The following RCC1L variants were observed in gnomAD, a reference collection of about 807,000 sequenced individuals.
RCC1L encodes RCC1-like G exchanging factor-like protein.
In RCC1L, 46 loss-of-function variants were observed where a neutral mutation model predicts 58.6. The ratio of observed to expected loss-of-function variants is 0.79; its 90% CI spans 0.62 to 1.00. The LOEUF (loss-of-function observed/expected upper bound fraction) is 1.00. Ranked by LOEUF, RCC1L falls within the 50% of genes least tolerant of loss-of-function variation. The probability of loss-of-function intolerance (pLI) is 0.00; values close to 1 mark genes in which losing one functional copy is unlikely to be tolerated. For synonymous variants in RCC1L, 281 were observed against 262.9 expected, an observed-to-expected ratio of 1.07 and a Z score of -0.67; for missense variants, 636 against 623.6, an observed-to-expected ratio of 1.02 and a Z score of -0.21.
At chr7:75,073,379 A>C in intron 1 of RCC1L, 35 bp downstream of exon 1, 1 of 942,230 alleles carries the variant, frequency 1.1e-6, no homozygotes, top group South Asian at 2.4e-5. Context: ...CGCGGAAGAG[A>C]GAGAAGGAGA....
intron 9 of RCC1L, among the ~76,000 whole-genome samples, chr7:75,054,697 G>A (rs909638837): frequency 1.3e-5 from 2 of 152,150 alleles, no homozygotes; most frequent in South Asian, 2.1e-4. Flanking sequence ...CAGGAGAATC[G>A]TTTGAACTCG....
chr7:75,054,620 T>C (rs1217498167), intron 9 of RCC1L, among the ~76,000 whole-genome samples: 1 of 152,152 alleles, frequency 6.6e-6, no homozygotes, highest in Non-Finnish European at 1.5e-5. Context: ...CTTTAAGAAT[T>C]CATGACACTG....
At chr7:75,056,811 C>A in intron 8 of RCC1L, 1 of 1,277,662 alleles carries the variant, frequency 7.8e-7, no homozygotes, top group Non-Finnish European at 1.1e-6. Flanking sequence ...TGCCATCTTC[C>A]CATGGCCATA....
chr7:75,029,317 A>G (rs902639113), intron 10 of RCC1L, among the ~76,000 whole-genome samples: 7 of 146,606 alleles, frequency 4.8e-5, no homozygotes, highest in Non-Finnish European at 1.0e-4. Context: ...CAGCTAAGAG[A>G]GGGGGCTTTA....
chr7:75,070,927 G>A (rs1554445995), intron 1 of RCC1L, among the ~76,000 whole-genome samples, 158 bp from the exon 2 acceptor site: 3 of 152,100 alleles, frequency 2.0e-5, no homozygotes, highest in South Asian at 2.1e-4. Flanking sequence ...AGGCTGGAGT[G>A]CAGTGGCGCA....
At chr7:75,060,683 G>A (rs983791144) in intron 6 of RCC1L, among the ~76,000 whole-genome samples, 2 of 152,002 alleles carry the variant, frequency 1.3e-5, no homozygotes, top group Admixed American at 6.6e-5. Context: ...CGCCCACCTC[G>A]GCCTCCCAAA....
intron 5 of RCC1L, 92 bp downstream of exon 5, chr7:75,063,200 C>T (rs1308023567): frequency 3.0e-6 from 4 of 1,314,562 alleles, no homozygotes; most frequent in Non-Finnish European, 4.4e-6. Context: ...CAGAAAATCC[C>T]CCTAACAAAT....
intron 10 of RCC1L, among the ~76,000 whole-genome samples, chr7:75,052,330 T>C (rs1805937943): frequency 6.6e-6 from 1 of 152,194 alleles, no homozygotes; most frequent in African/African-American, 2.4e-5. Context: ...CTTTGCACCA[T>C]CGTGCCTCTG....
At chr7:75,051,226 T>C (rs1483359391) in intron 10 of RCC1L, among the ~76,000 whole-genome samples, 2 of 147,772 alleles carry the variant, frequency 1.4e-5, no homozygotes, top group African/African-American at 4.9e-5. Context: ...AATATAAATG[T>C]ATTATATATG....
intron 10 of RCC1L, among the ~76,000 whole-genome samples, chr7:75,031,456 T>C (rs1396705764): frequency 1.3e-5 from 2 of 151,960 alleles, no homozygotes; most frequent in East Asian, 3.9e-4. Flanking sequence ...GAAAAAAAAT[T>C]ACCTAATGTT....
At chr7:75,064,927 C>T in intron 3 of RCC1L, among the ~76,000 whole-genome samples, 1 of 152,118 alleles carries the variant, frequency 6.6e-6, no homozygotes, top group East Asian at 1.9e-4. Context: ...CACCAGGCTG[C>T]CCTTAACACC....
intron 1 of RCC1L, among the ~76,000 whole-genome samples, chr7:75,070,976 C>T (rs1243185583): frequency 6.6e-6 from 1 of 152,072 alleles, no homozygotes; most frequent in East Asian, 1.9e-4. Context: ...CAGGTTCAAG[C>T]CTCCCAAGTA....
In RCC1L at chr7:75,057,621, A is replaced by C. The variant is rs2131994556; in HGVS notation, c.970-5T>G. On this transcript the variant is annotated splice_polypyrimidine_tract_variant and splice_region_variant and intron_variant, in intron 7 of 10. Coordinates refer to ENST00000610322, the MANE Select transcript of RCC1L (RefSeq NM_030798.5). ...TAAGCAGCGGGGCACATTCACCTGAACCAAAGAAAGGAGCCACACTGTTAG... is the reference window on the plus strand; with the variant it reads ...TAAGCAGCGGGGCACATTCACCTGACCCAAAGAAAGGAGCCACACTGTTAG... The C allele has an allele frequency of 6.2e-7, 1 of 1,613,880 alleles. No individual in the cohort carries two copies. Among genetic ancestry groups the C allele is most frequent in the Middle Eastern group, 1.7e-4 (1 of 6,056 alleles).
chr7:75,065,060 A>G (rs1806418640), intron 3 of RCC1L, among the ~76,000 whole-genome samples: 1 of 151,978 alleles, frequency 6.6e-6, no homozygotes. Context: ...CCACTGCCCC[A>G]TCTGGGAAGT....
chr7:75,042,061 A>G (rs1346067568), downstream of RCC1L: 1 of 587,802 alleles, frequency 1.7e-6, no homozygotes, highest in Non-Finnish European at 2.1e-6. Context: ...AAAAAATAAA[A>G]TAAAAAGACC....
At position 75,043,104 on chromosome 7, in the gene RCC1L, C is replaced by T. The variant is rs901721776; in HGVS notation, c.1323G>A (p.Thr441=). ...CCACGTCCACAGGCTCCCCAGGCAT[C>T]GTCACCTGAAAAATAAGATCCAGCA... ...LEDQYFPWRV[T]MPGEPVDVAC... The change falls in exon 11 of 11, where the codon ACG becomes ACA. Residue 441 remains threonine (T), a synonymous_variant. Coordinates refer to ENST00000610322, the MANE Select transcript of RCC1L (RefSeq NM_030798.5). 3.8e-4 allele frequency: 620 copies of T among 1,614,016 alleles called. No homozygotes were observed. In the African/African-American group the frequency reaches 5.5e-3, roughly 14 times the overall value.
intron 1 of RCC1L, among the ~76,000 whole-genome samples, 166 bp from the exon 2 acceptor site, chr7:75,070,935 G>A (rs768494990): frequency 3.3e-5 from 5 of 152,040 alleles, no homozygotes; most frequent in African/African-American, 4.8e-5. Flanking sequence ...GTGCAGTGGC[G>A]CAATCTCGGC....
chr7:75,053,353 C>T (rs2131989145), intron 9 of RCC1L, among the ~76,000 whole-genome samples: 2 of 152,248 alleles, frequency 1.3e-5, no homozygotes, highest in South Asian at 4.1e-4. Context: ...GCCCCGCCCA[C>T]AATCGTGTGC....
intron 1 of RCC1L, among the ~76,000 whole-genome samples, chr7:75,072,688 A>G (rs1369096498): frequency 1.3e-5 from 2 of 152,168 alleles, no homozygotes; most frequent in Admixed American, 6.5e-5. Flanking sequence ...TTTAAAATCA[A>G]TCCTCTTTCA....
Sources: gnomAD v4.1 joint callset for allele counts (sites outside exome capture counted in the v4.1 genomes callset) on GRCh38, gnomAD v4.1.1 for gene constraint, MANE v1.5 for transcripts, NCBI Gene and HGNC (gene_info 2026-07-23, HGNC 2026-07-21) for gene names.